RET: variants seen among roughly 807,000 people sequenced by gnomAD.
The protein encoded by RET is proto-oncogene tyrosine-protein kinase receptor Ret.
RET carries 19 observed loss-of-function variants against 118.3 expected under a neutral mutation model. That is an observed-to-expected ratio of 0.16 (90% CI 0.11 to 0.24). The LOEUF is 0.24. Among genes scored for constraint, RET ranks in the 10% least tolerant of loss-of-function variants. The pLI, the probability that RET is intolerant of heterozygous loss-of-function variation, is 1.00. For synonymous variants in RET, 597 were observed against 644.1 expected (o/e 0.93, Z 1.11); for missense variants, 1,219 against 1,502.1 (o/e 0.81, Z 3.12).
chr10:43,099,238 G>A (rs896313418), intron 1 of RET, among the ~76,000 whole-genome samples: 6 of 152,200 alleles, frequency 3.9e-5, no homozygotes, highest in Non-Finnish European at 8.8e-5. Flanking sequence ...GGCCGGGCAC[G>A]GTGGCTCATA....
At chr10:43,087,659 T>C (rs1176255630) in intron 1 of RET, among the ~76,000 whole-genome samples, 1 of 152,204 alleles carries the variant, frequency 6.6e-6, no homozygotes, top group African/African-American at 2.4e-5. Flanking sequence ...TGGACTCCAG[T>C]TACCAGAGCC....
In RET at chr10:43,109,190, A is replaced by G; in HGVS notation, c.1223A>G (p.Tyr408Cys). 6.2e-7 allele frequency: 1 copy of G among 1,612,934 alleles called. No individual in the cohort carries two copies. Among genetic ancestry groups the G allele is most frequent in the Non-Finnish European group, 8.5e-7 (1 of 1,179,878 alleles). ...GTCAGCCTGCACCTGCCCAGTACCT[A>G]CTCCCTCTCCGTGAGCAGGAGGGCT... ...LPVSLHLPST[Y>C]SLSVSRRARR... Residue 408 changes from tyrosine (Y) to cysteine (C), a missense_variant, in exon 6 of 20, where the codon TAC (tyrosine) becomes TGC (cysteine). Around this residue, in one of 5 missense-constraint regions of RET, gnomAD observed 850 missense variants for 969.6 expected, o/e 0.88. Transcript: ENST00000355710.
chr10:43,091,199 C>T (rs1837402934), intron 1 of RET, among the ~76,000 whole-genome samples: 1 of 152,112 alleles, frequency 6.6e-6, no homozygotes, highest in Non-Finnish European at 1.5e-5. Flanking sequence ...GAACCAAGGC[C>T]ACAATCAGAA....
In RET at chr10:43,128,403, GT is replaced by G. The variant is rs1268210524; in HGVS notation, c.*135del. On this transcript the variant is annotated 3_prime_UTR_variant, in exon 20 of 20. Coordinates refer to ENST00000355710, the MANE Select transcript of RET (RefSeq NM_020975.6). Reference sequence around the variant, plus strand: ...TTCCCAGGTGGCAGACTCGTTTTTGGTAGTTTGTTTTAACTTCCAAGGTGGT... The same window carrying G: ...TTCCCAGGTGGCAGACTCGTTTTTGGAGTTTGTTTTAACTTCCAAGGTGGT... 5.6e-5 allele frequency: 60 copies of G among 1,080,794 alleles called. No homozygotes were observed. Among genetic ancestry groups the G allele is most frequent in the Admixed American group, 1.1e-4 (6 of 53,538 alleles). The allele number at this position is 1,080,794 out of a possible 1,614,324, so 67.0% of individuals were successfully genotyped here. A position where few individuals can be genotyped will look rare whatever the true frequency, so the allele number is the denominator to read the frequency against.
At chr10:43,119,936 C>T in intron 14 of RET, 145 bp from the exon 15 acceptor site, 4 of 1,337,180 alleles carry the variant, frequency 3.0e-6, no homozygotes, top group Non-Finnish European at 4.1e-6. Context: ...CTCCACCACG[C>T]CCCTGCCATG....
rs576596502 is a variant in RET at position 43,128,357 on chromosome 10, C to T, written c.*88C>T. 2.3e-5 allele frequency: 35 copies of T among 1,502,820 alleles called. No homozygotes were observed. In the African/African-American group the frequency reaches 4.5e-4, roughly 20 times the overall value. The allele number at this position is 1,502,820 out of a possible 1,614,324, so 93.1% of individuals were successfully genotyped here. On this transcript the variant is annotated 3_prime_UTR_variant, in exon 20 of 20. Coordinates refer to ENST00000355710, the MANE Select transcript of RET (RefSeq NM_020975.6). ...ACCGGCCCTTTCTTTGTGAACGTCA[C>T]ATTGGCCGAGCCGTGTTCAGTTCCC...
In RET at chr10:43,100,597, A is replaced by T; in HGVS notation, c.212A>T (p.His71Leu). 6.2e-7 allele frequency: 1 copy of T among 1,613,954 alleles called. No individual in the cohort carries two copies. The highest frequency in any genetic ancestry group is 8.5e-7 in the Non-Finnish European group (1 of 1,180,036). Residue 71 changes from histidine to leucine, a missense_variant, in exon 2 of 20, where the codon CAT becomes CTT. Physicochemically the swap from His to Leu is moderately conservative, Grantham distance 99. This residue lies in a region of RET where 84 missense variants were observed against 163.6 expected (regional missense o/e 0.51). Transcript: ENST00000355710. ...EEVPSFRLGQ[H>L]LYGTYRTRLH... ...GTGCCCAGCTTCCGCCTGGGCCAGC[A>T]TCTCTACGGCACGTACCGCACACGG...
chr10:43,084,080 C>T (rs1282651905), intron 1 of RET, among the ~76,000 whole-genome samples: 1 of 152,178 alleles, frequency 6.6e-6, no homozygotes, highest in Non-Finnish European at 1.5e-5. Context: ...ACACATCAGC[C>T]CCTTCCTGTG....
At chr10:43,081,713 C>T (rs1202311971) in intron 1 of RET, among the ~76,000 whole-genome samples, 1 of 152,162 alleles carries the variant, frequency 6.6e-6, no homozygotes. Context: ...GGTCCATGAC[C>T]CAGGCACTGC....
Position 43,106,525 on chromosome 10 carries a change from G to A in RET, c.1017G>A (p.Ser339=), listed in dbSNP as rs369810881. 2.5e-4 allele frequency: 408 copies of A among 1,613,662 alleles called. No homozygotes were observed. The highest frequency in any genetic ancestry group is 3.3e-4 in the Middle Eastern group (2 of 6,076). ...FRVEHWPNET[S]VQANGSFVRA... is the part of the protein sequence containing the mutation. ...TGGAACACTGGCCCAACGAGACCTC[G>A]GTCCAGGCCAACGGCAGCTTCGTGC... Residue 339 remains serine, a synonymous_variant, in exon 5 of 20, where the codon TCG becomes TCA. Transcript: ENST00000355710. The surrounding 1 kb of genome is among the most constrained non-coding windows in gnomAD (Gnocchi z 5.1).
intron 6 of RET, among the ~76,000 whole-genome samples, chr10:43,110,861 C>CG (rs1478500603): frequency 6.6e-6 from 1 of 152,108 alleles, no homozygotes; most frequent in Non-Finnish European, 1.5e-5. Flanking sequence ...GCTTTGTTGT[C>CG]TGAGTGAGGG....
chr10:43,077,280 G>T lies in RET; in HGVS notation c.22G>T (p.Ala8Ser), dbSNP rs1476325851. 1 of 1,507,468 alleles carries T rather than the reference G, an allele frequency of 6.6e-7. No individual in the cohort carries two copies. The highest frequency in any genetic ancestry group is 8.8e-7 in the Non-Finnish European group (1 of 1,133,590). The allele number at this position is 1,507,468 out of a possible 1,614,324, so 93.4% of individuals were successfully genotyped here. A position where few individuals can be genotyped will look rare whatever the true frequency, so the allele number is the denominator to read the frequency against. MAKATSG[A>S]AGLRLLLLLL... ...GGCGATGGCGAAGGCGACGTCCGGTGCCGCGGGGCTGCGTCTGCTGTTGCT... is the reference window on the plus strand; with the variant it reads ...GGCGATGGCGAAGGCGACGTCCGGTTCCGCGGGGCTGCGTCTGCTGTTGCT... Residue 8 changes from alanine (A) to serine (S), a missense_variant, in exon 1 of 20, where the codon GCC becomes TCC. Around this residue, in one of 5 missense-constraint regions of RET, gnomAD observed 38 missense variants for 33.1 expected, o/e 1.15. Coordinates refer to ENST00000355710, the MANE Select transcript of RET (RefSeq NM_020975.6).
At chr10:43,102,254 A>G in intron 2 of RET, 88 bp from the exon 3 acceptor site, 1 of 1,536,304 alleles carries the variant, frequency 6.5e-7, no homozygotes, top group Non-Finnish European at 8.9e-7. Context: ...CAGGGTTTAC[A>G]CCAGCCCTGG....
intron 1 of RET, among the ~76,000 whole-genome samples, chr10:43,096,778 A>T (rs1837530746): frequency 6.6e-6 from 1 of 152,228 alleles, no homozygotes; most frequent in Admixed American, 6.5e-5. Context: ...GAAGAATTTC[A>T]AGACTGTAGC....
In RET at chr10:43,106,153, C is replaced by A. The variant is rs1358278684; in HGVS notation, c.868-223C>A. On this transcript the variant is annotated intron_variant, in intron 4 of 19. Transcript: ENST00000355710. The surrounding 1 kb of genome is among the most constrained non-coding windows in gnomAD (Gnocchi z 5.1). Reference sequence around the variant, plus strand: ...TAAGAGGTCTGCATTGTACCTGTTACACAGGCGAGGCTCAGTGGCTCAGGG... The same window carrying A: ...TAAGAGGTCTGCATTGTACCTGTTAAACAGGCGAGGCTCAGTGGCTCAGGG... Among the ~76,000 whole-genome samples the A allele has an allele frequency of 6.6e-6, 1 of 152,200 alleles. No homozygotes were observed. The highest frequency in any genetic ancestry group is 1.9e-4 in the East Asian group (1 of 5,188).
chr10:43,112,031 C>T (rs2132793619), intron 7 of RET, 68 bp from the exon 8 acceptor site: 1 of 1,550,120 alleles, frequency 6.5e-7, no homozygotes, highest in South Asian at 1.2e-5. Flanking sequence ...TGTTCCCTGT[C>T]CTTGGGCACT....
At chr10:43,116,050 C>G (rs749750799) in intron 11 of RET, among the ~76,000 whole-genome samples, 6 of 152,152 alleles carry the variant, frequency 3.9e-5, no homozygotes, top group African/African-American at 1.4e-4. Flanking sequence ...GGAAGGCATC[C>G]GGAGCAGTCC....
At chr10:43,113,696 A>AC in intron 10 of RET, 21 bp downstream of exon 10, 1 of 1,611,824 alleles carries the variant, frequency 6.2e-7, no homozygotes, top group Non-Finnish European at 8.5e-7. Context: ...GGCGGCCGGG[A>AC]CCACCACCAC....
At position 43,106,891 on chromosome 10, in the gene RET, C is replaced by T. The variant is rs1837793482; in HGVS notation, c.1063+320C>T. ...CACACATGTCACCTGAGGCTTTCCT[C>T]CAGCCCCTGGCACTCCATCGTTGCC... On this transcript the variant is annotated intron_variant, in intron 5 of 19. Transcript: ENST00000355710. This position sits in a 1 kb window ranked among gnomAD's most constrained non-coding sequence, Gnocchi z 5.1. Among the ~76,000 whole-genome samples, 1 of 152,252 alleles carries T rather than the reference C, an allele frequency of 6.6e-6. No individual in the cohort carries two copies. The highest frequency in any genetic ancestry group is 2.4e-5 in the African/African-American group (1 of 41,464).
Sources: gnomAD v4.1 joint callset for allele counts (sites outside exome capture counted in the v4.1 genomes callset) on GRCh38, gnomAD v4.1.1 for gene constraint, gnomAD v4.1.1 regional missense constraint, Gnocchi (gnomAD v3.1) non-coding constraint, MANE v1.5 for transcripts, NCBI Gene and HGNC (gene_info 2026-07-23, HGNC 2026-07-21) for gene names.